GALK2: variants seen among roughly 807,000 people sequenced by gnomAD.
The protein encoded by GALK2 is N-acetylgalactosamine kinase.
Under a neutral mutation model 52.4 loss-of-function variants are expected in GALK2, and 36 were observed. The ratio of observed to expected loss-of-function variants is 0.69; its 90% confidence interval spans 0.53 to 0.91. The LOEUF is 0.91. Ranked by LOEUF, GALK2 falls within the 40% of genes least tolerant of loss-of-function variation. The pLI is 0.00. For synonymous variants in GALK2, 176 were observed against 199.1 expected, an observed-to-expected ratio of 0.88 and a Z score of 0.98; for missense variants, 579 against 559.1, an observed-to-expected ratio of 1.04 and a Z score of -0.36.
rs1056399940 is a variant in GALK2 at position 49,255,075 on chromosome 15, G to A, written c.504+15708G>A. ...TCAATATTCATCCCCTCAAAGCAAGGCATTCTTTAATATGCCACACTATAT... is the reference window on the plus strand; with the variant it reads ...TCAATATTCATCCCCTCAAAGCAAGACATTCTTTAATATGCCACACTATAT... On this transcript the variant is annotated intron_variant, in intron 5 of 9. Coordinates refer to ENST00000560031, the MANE Select transcript of GALK2 (RefSeq NM_002044.4). Among the ~76,000 whole-genome samples the A allele has an allele frequency of 1.1e-4, 16 of 143,052 alleles. 2 individuals are homozygous for A. Among genetic ancestry groups the A allele is most frequent in the East Asian group, 5.8e-4 (3 of 5,188 alleles). The allele number at this position is 143,052 out of a possible 152,430, so 93.8% of individuals were successfully genotyped here. A position where few individuals can be genotyped will look rare whatever the true frequency, so the allele number is the denominator to read the frequency against.
At chr15:49,210,957 T>TCTCACA (rs1555405131) in intron 2 of GALK2, among the ~76,000 whole-genome samples, 19 of 112,766 alleles carry the variant, frequency 1.7e-4, no homozygotes, top group Admixed American at 3.1e-4. Context: ...ATGTTGGCTG[T>TCTCACA]CACACACACA....
chr15:49,281,977 A>G lies in GALK2; in HGVS notation c.505-10A>G. ...CTACTCACAGTACAAATCAGTTTTTACCTTTCCAGGTGGAACTTGCAGAAA... is the reference window on the plus strand; with the variant it reads ...CTACTCACAGTACAAATCAGTTTTTGCCTTTCCAGGTGGAACTTGCAGAAA... On this transcript the variant is annotated splice_polypyrimidine_tract_variant and intron_variant, in intron 5 of 9. Coordinates refer to ENST00000560031, the MANE Select transcript of GALK2 (RefSeq NM_002044.4). 1 of 1,606,008 alleles carries G rather than the reference A, an allele frequency of 6.2e-7. No individual in the cohort carries two copies. The highest frequency in any genetic ancestry group is 8.5e-7 in the Non-Finnish European group (1 of 1,173,560).
intron 2 of GALK2, among the ~76,000 whole-genome samples, chr15:49,212,651 G>A (rs1478277867): frequency 6.6e-6 from 1 of 151,932 alleles, no homozygotes; most frequent in East Asian, 1.9e-4. Flanking sequence ...TTTTAAATGT[G>A]CTTTTTTGTA....
intron 1 of GALK2, among the ~76,000 whole-genome samples, chr15:49,183,403 A>C (rs1183980448): frequency 2.0e-5 from 3 of 152,150 alleles, no homozygotes; most frequent in Non-Finnish European, 2.9e-5. Context: ...TTTTCTTCTT[A>C]ACTTATTCAT....
intron 5 of GALK2, among the ~76,000 whole-genome samples, chr15:49,258,166 C>G (rs1194666967): frequency 6.6e-6 from 1 of 152,060 alleles, no homozygotes; most frequent in Non-Finnish European, 1.5e-5. Flanking sequence ...GTGTCAGGCA[C>G]TATTCCTGGC....
At chr15:49,227,005 C>T (rs1481960373) in intron 3 of GALK2, among the ~76,000 whole-genome samples, 2 of 152,118 alleles carry the variant, frequency 1.3e-5, no homozygotes, top group Non-Finnish European at 2.9e-5. Context: ...ACATGATTTC[C>T]ATTTTAAGAA....
chr15:49,325,870 A>C (rs1168167349), intron 9 of GALK2, among the ~76,000 whole-genome samples: 4 of 152,202 alleles, frequency 2.6e-5, no homozygotes, highest in Non-Finnish European at 5.9e-5. Context: ...GCTCCCTGGA[A>C]ACTAGTAAAA....
intron 7 of GALK2, among the ~76,000 whole-genome samples, chr15:49,287,561 G>T (rs572780766): frequency 1.3e-4 from 20 of 152,186 alleles, no homozygotes; most frequent in African/African-American, 3.9e-4. Context: ...ACATGTGAAT[G>T]AATATAATTA....
intron 1 of GALK2, chr15:49,178,633 G>A (rs2085714234): frequency 4.5e-6 from 1 of 223,466 alleles, no homozygotes; most frequent in Admixed American, 4.4e-5. Context: ...GAGCCCTGTG[G>A]TAGAGCAGAG....
chr15:49,318,954 CTT>C (rs35217317), intron 8 of GALK2: 1,310 of 410,888 alleles, frequency 3.2e-3, no homozygotes, highest in Middle Eastern at 7.1e-3. Context: ...TTCTTTCTTT[CTT>C]TTTTTTTTTT....
intron 4 of GALK2, among the ~76,000 whole-genome samples, chr15:49,236,441 T>C (rs1050307623): frequency 3.3e-5 from 5 of 152,314 alleles, no homozygotes; most frequent in Middle Eastern, 3.4e-3. Context: ...ATTTAATAAA[T>C]GGTAGCTAGT....
intron 5 of GALK2, 32 bp from the exon 6 acceptor site, chr15:49,281,955 C>G: frequency 6.7e-7 from 1 of 1,493,392 alleles, no homozygotes; most frequent in East Asian, 2.3e-5. Context: ...GTTATGACTA[C>G]TCACAGTACA....
intron 3 of GALK2, among the ~76,000 whole-genome samples, chr15:49,358,688 A>G (rs955942890): frequency 1.3e-5 from 2 of 150,882 alleles, no homozygotes; most frequent in Admixed American, 6.6e-5. Flanking sequence ...ATTCAATGCC[A>G]TCCCCATCAA....
In GALK2 at chr15:49,319,668, G is replaced by C. The variant is rs1205746527; in HGVS notation, c.1032G>C (p.Gln344His). ...ACAGCGAGGCTGCGCGAGTGCTCCAGTTTAAGAAGATATGTGAAGAAGCAC... is the reference window on the plus strand; with the variant it reads ...ACAGCGAGGCTGCGCGAGTGCTCCACTTTAAGAAGATATGTGAAGAAGCAC... The part of the protein sequence containing the change: ...HVYSEAARVL[Q>H]FKKICEEAPE... Residue 344 changes from glutamine (Q) to histidine (H), a missense_variant, in exon 9 of 10, where the codon CAG becomes CAC. Gln to His is a conservative substitution (Grantham distance 24, BLOSUM62 0). Coordinates refer to ENST00000560031, the MANE Select transcript of GALK2 (RefSeq NM_002044.4). 6.2e-7 allele frequency: 1 copy of C among 1,614,182 alleles called. No homozygotes were observed. The highest frequency in any genetic ancestry group is 8.5e-7 in the Non-Finnish European group (1 of 1,180,034).
chr15:49,365,749 C>T lies in GALK2; in HGVS notation c.427-1742C>T, dbSNP rs1596585566. ...CAAGATATCTTGTAAAATCCAAGCC[C>T]ACCTGTCTTCATTTTGAAACACAGC... On this transcript the variant is annotated intron_variant, in intron 3 of 3. Transcript: ENST00000558399. 3 of 862,528 alleles carry T rather than the reference C, an allele frequency of 3.5e-6. No individual in the cohort carries two copies. In the East Asian group the frequency reaches 7.3e-5, roughly 21 times the overall value. The allele number at this position is 862,528 out of a possible 1,614,324, so 53.4% of individuals were successfully genotyped here.
downstream of GALK2, chr15:49,331,966 A>G (rs1436694856): frequency 7.4e-6 from 5 of 677,996 alleles, no homozygotes; most frequent in African/African-American, 5.4e-5. Context: ...AGCACTTTAC[A>G]TATATTAATT....
At chr15:49,267,415 G>C (rs529937487) in intron 5 of GALK2, among the ~76,000 whole-genome samples, 28 of 152,328 alleles carry the variant, frequency 1.8e-4, no homozygotes. Flanking sequence ...AAGGTGAACA[G>C]ATGGGCCTAG....
At chr15:49,160,025 G>C (rs902628119) in intron 1 of GALK2, among the ~76,000 whole-genome samples, 1 of 152,126 alleles carries the variant, frequency 6.6e-6, no homozygotes, top group African/African-American at 2.4e-5. Flanking sequence ...TGTAAACCCA[G>C]CACTTTGGGA....
chr15:49,219,650 A>T (rs2089647741), intron 3 of GALK2, among the ~76,000 whole-genome samples: 1 of 152,098 alleles, frequency 6.6e-6, no homozygotes, highest in Non-Finnish European at 1.5e-5. Flanking sequence ...CTCCACTAAG[A>T]ATACAAAAAA....
Sources: gnomAD v4.1 joint callset for allele counts (sites outside exome capture counted in the v4.1 genomes callset) on GRCh38, gnomAD v4.1.1 for gene constraint, MANE v1.5 for transcripts, NCBI Gene and HGNC (gene_info 2026-07-23, HGNC 2026-07-21) for gene names.